Variants in DIP2C observed in about 807,000 individuals in gnomAD.
The protein encoded by DIP2C is DIP2 acetate--CoA ligase C (putative).
In DIP2C, 33 loss-of-function variants were observed where a neutral mutation model predicts 192.4. The ratio of observed to expected loss-of-function variants is 0.17; its 90% CI spans 0.13 to 0.23. The LOEUF is 0.23. Among genes scored for constraint, DIP2C ranks in the 10% least tolerant of loss-of-function variants. The probability of loss-of-function intolerance (pLI) is 1.00; values close to 1 mark genes in which losing one functional copy is unlikely to be tolerated. For missense variants in DIP2C, 1,537 were observed against 2,110.1 expected (o/e 0.73, Z 5.32); for synonymous variants, 979 against 864.1 (o/e 1.13, Z -2.33).
At chr10:406,110 T>C (rs1387070297) in intron 9 of DIP2C, among the ~76,000 whole-genome samples, 4 of 152,232 alleles carry the variant, frequency 2.6e-5, no homozygotes, top group Non-Finnish European at 4.4e-5. Flanking sequence ...TTGTGATTAT[T>C]ATCATATGGA....
At chr10:489,234 A>G (rs528422109) in intron 1 of DIP2C, among the ~76,000 whole-genome samples, 82 of 152,332 alleles carry the variant, frequency 5.4e-4, no homozygotes, top group African/African-American at 1.9e-3. Flanking sequence ...TGGTAGACAG[A>G]GGTCCACCAG....
At chr10:407,209 C>T (rs563744977) in intron 9 of DIP2C, among the ~76,000 whole-genome samples, 12 of 152,330 alleles carry the variant, frequency 7.9e-5, no homozygotes, top group Admixed American at 2.0e-4. Context: ...TAGTTACGCT[C>T]GCAGGAACGG....
chr10:435,295 G>A (rs984511382), intron 4 of DIP2C, among the ~76,000 whole-genome samples: 2 of 152,204 alleles, frequency 1.3e-5, no homozygotes, highest in Admixed American at 1.3e-4. Flanking sequence ...TTCTCTGGAA[G>A]GTAGACCTAG....
At chr10:359,223 G>A (rs1053720944) in intron 22 of DIP2C, among the ~76,000 whole-genome samples, 1 of 152,314 alleles carries the variant, frequency 6.6e-6, no homozygotes, top group East Asian at 1.9e-4. Flanking sequence ...AAGGCAGTCA[G>A]GGCCTGACGT....
At chr10:673,765 A>G (rs1309649143) in intron 1 of DIP2C, among the ~76,000 whole-genome samples, 1 of 152,210 alleles carries the variant, frequency 6.6e-6, no homozygotes, top group Non-Finnish European at 1.5e-5. Context: ...AACTGTGTCA[A>G]ACACTAAACC....
intron 1 of DIP2C, among the ~76,000 whole-genome samples, chr10:658,131 G>A (rs1352471323): frequency 7.1e-6 from 1 of 140,904 alleles, no homozygotes; most frequent in Admixed American, 7.2e-5. Flanking sequence ...ACCTGCCGCT[G>A]GACCTGTCCC....
In DIP2C at chr10:689,401, C is replaced by T. The variant is rs1454488222; in HGVS notation, c.85+93G>A. 12 of 765,212 alleles carry T rather than the reference C, an allele frequency of 1.6e-5. No individual in the cohort carries two copies. Among genetic ancestry groups the T allele is most frequent in the African/African-American group, 3.8e-5 (2 of 52,388 alleles). 47.4% of individuals were successfully genotyped at this position (765,212 alleles called of 1,614,324 possible). ...TCGCACCTCCCCCTCCGGGCCCGGC[C>T]CCCGCCCCGCCGCAGGCCCCGCGCC... On this transcript the variant is annotated intron_variant, in intron 1 of 36. Transcript: ENST00000280886. This position sits in a 1 kb window ranked among gnomAD's most constrained non-coding sequence, Gnocchi z 6.1.
intron 1 of DIP2C, among the ~76,000 whole-genome samples, chr10:626,800 C>G (rs927890228): frequency 6.6e-6 from 1 of 152,064 alleles, no homozygotes; most frequent in African/African-American, 2.4e-5. Context: ...ACGGTCACGC[C>G]GATCGTCAGG....
intron 3 of DIP2C, among the ~76,000 whole-genome samples, chr10:464,319 A>T (rs911952621): frequency 2.0e-5 from 3 of 152,172 alleles, no homozygotes; most frequent in Non-Finnish European, 4.4e-5. Context: ...CCCCATCAAG[A>T]AGTGGACAAA....
intron 1 of DIP2C, among the ~76,000 whole-genome samples, chr10:626,489 C>T (rs952427365): frequency 4.6e-5 from 7 of 152,108 alleles, no homozygotes. Flanking sequence ...CCCGGGGTTA[C>T]CCTCCATCCC....
rs562987279 is a variant in DIP2C, at chr10:350,182, C to T, written c.2986-728G>A. On this transcript the variant is annotated intron_variant, in intron 24 of 36. Coordinates refer to ENST00000280886, the MANE Select transcript of DIP2C (RefSeq NM_014974.3). ...CACTGCAGCCTGGACCTGCTGGGCT[C>T]AAGCAATTCTGCTGCCTCAGCCCCA... 2.6e-5 allele frequency among the ~76,000 whole-genome samples: 4 copies of T among 152,158 alleles called. No homozygotes were observed. The South Asian group carries it at 8.3e-4, about 32-fold the overall frequency.
intron 1 of DIP2C, among the ~76,000 whole-genome samples, chr10:583,412 C>G (rs1850788889): frequency 6.6e-6 from 1 of 152,234 alleles, no homozygotes; most frequent in African/African-American, 2.4e-5. Flanking sequence ...AATTCATTAT[C>G]CTACATAAGG....
intron 34 of DIP2C, 81 bp downstream of exon 34, chr10:286,192 T>C: frequency 1.5e-6 from 2 of 1,301,190 alleles, no homozygotes; most frequent in South Asian, 2.5e-5. Flanking sequence ...GGAGGGCATG[T>C]GAGCAGTTCT....
intron 1 of DIP2C, among the ~76,000 whole-genome samples, chr10:548,596 C>T (rs1425859662): frequency 2.8e-5 from 3 of 107,602 alleles, no homozygotes; most frequent in South Asian, 2.9e-4. Flanking sequence ...CCAGAGGTGA[C>T]GTGGCAAGGG....
At chr10:299,739 A>G (rs961399535) in intron 32 of DIP2C, among the ~76,000 whole-genome samples, 9 of 152,220 alleles carry the variant, frequency 5.9e-5, no homozygotes, top group African/African-American at 1.7e-4. Context: ...TGCAAATCAC[A>G]TATCTGTTAA....
chr10:520,045 C>G (rs1392285301), intron 1 of DIP2C, among the ~76,000 whole-genome samples: 1 of 152,224 alleles, frequency 6.6e-6, no homozygotes, highest in Non-Finnish European at 1.5e-5. Flanking sequence ...GGCCCCCACC[C>G]TGCATTCAGC....
chr10:398,639 A>G lies in DIP2C; in HGVS notation c.1260+470T>C, dbSNP rs1406567150. 4.6e-5 allele frequency among the ~76,000 whole-genome samples: 7 copies of G among 152,188 alleles called. No individual in the cohort carries two copies. The East Asian group carries it at 1.3e-3, about 29-fold the overall frequency. The stretch of plus-strand genomic sequence containing the variant: ...TGTCTCAAATACTTTTTGATTGACA[A>G]CGCACATTAATTTCTTTACATTGGA... On this transcript the variant is annotated intron_variant, in intron 10 of 36. Transcript: ENST00000280886.
At chr10:468,303 A>C (rs1970383945) in intron 3 of DIP2C, among the ~76,000 whole-genome samples, 1 of 152,134 alleles carries the variant, frequency 6.6e-6, no homozygotes. Context: ...GAAACCCAGT[A>C]ATGACCCCAT....
chr10:662,698 G>T, intron 1 of DIP2C: 2 of 557,584 alleles, frequency 3.6e-6, no homozygotes, highest in South Asian at 2.8e-5. Context: ...ATTAGGTATG[G>T]GCAGAAAATA....
Sources: gnomAD v4.1 joint callset for allele counts (sites outside exome capture counted in the v4.1 genomes callset) on GRCh38, gnomAD v4.1.1 for gene constraint, Gnocchi (gnomAD v3.1) non-coding constraint, MANE v1.5 for transcripts, NCBI Gene and HGNC (gene_info 2026-07-23, HGNC 2026-07-21) for gene names.